FSTL4: variants seen among roughly 807,000 people sequenced by gnomAD.
FSTL4 encodes follistatin like 4, also known as follistatin-related protein 4.
In FSTL4, 28 loss-of-function variants were observed where a neutral mutation model predicts 78.2. The ratio of observed to expected loss-of-function variants is 0.36; its 90% CI spans 0.27 to 0.49. The LOEUF (loss-of-function observed/expected upper bound fraction) is 0.49. Ranked by LOEUF, FSTL4 falls within the 20% of genes least tolerant of loss-of-function variation. The probability of loss-of-function intolerance (pLI) is 0.98; values close to 1 mark genes in which losing one functional copy is unlikely to be tolerated. For missense variants in FSTL4, 922 were observed against 1,084.9 expected (o/e 0.85, Z 2.11); for synonymous variants, 422 against 440.5 (o/e 0.96, Z 0.53).
chr5:133,525,259 C>T (rs916171935), intron 3 of FSTL4, among the ~76,000 whole-genome samples: 18 of 152,206 alleles, frequency 1.2e-4, no homozygotes, highest in African/African-American at 3.6e-4. Context: ...CCAAGCCAAG[C>T]GTGATGCTTG....
the FSTL4 span, among the ~76,000 whole-genome samples, chr5:133,831,397 TA>T: frequency 6.6e-6 from 1 of 152,162 alleles, no homozygotes; most frequent in Admixed American, 6.5e-5. Flanking sequence ...CAACTTTCTA[TA>T]AATCCACCAG....
chr5:133,278,604 C>T (rs1203491988), intron 6 of FSTL4, among the ~76,000 whole-genome samples: 1 of 152,206 alleles, frequency 6.6e-6, no homozygotes, highest in African/African-American at 2.4e-5. Flanking sequence ...TCCCAGAAGG[C>T]CATACCAGGT....
chr5:133,677,098 T>A, the FSTL4 span, among the ~76,000 whole-genome samples: 221 of 152,342 alleles, frequency 1.5e-3, 1 homozygote, highest in African/African-American at 5.1e-3. Context: ...TTGGAAAAGA[T>A]AGTGCTTGTA....
chr5:133,475,786 C>T (rs943321432), intron 3 of FSTL4, among the ~76,000 whole-genome samples: 1 of 152,168 alleles, frequency 6.6e-6, no homozygotes, highest in Non-Finnish European at 1.5e-5. Context: ...GAGTGGTCTG[C>T]ATAATCAGCC....
chr5:133,555,607 G>A (rs1016299388), intron 3 of FSTL4, among the ~76,000 whole-genome samples: 12 of 152,176 alleles, frequency 7.9e-5, no homozygotes, highest in Non-Finnish European at 1.5e-4. Context: ...TTTAAATTCC[G>A]TATAAAGGGG....
intron 3 of FSTL4, among the ~76,000 whole-genome samples, chr5:133,499,348 T>C (rs913565907): frequency 6.6e-5 from 9 of 137,214 alleles, no homozygotes; most frequent in Non-Finnish European, 1.2e-4. Flanking sequence ...AGGATTCCCC[T>C]AGTAAGTAAC....
chr5:133,495,832 G>T (rs1314606265), intron 3 of FSTL4, among the ~76,000 whole-genome samples: 2 of 152,180 alleles, frequency 1.3e-5, no homozygotes. Context: ...ATGTCCATAG[G>T]CCATGAAATC....
At chr5:133,722,562 T>G in the FSTL4 span, among the ~76,000 whole-genome samples, 2 of 152,246 alleles carry the variant, frequency 1.3e-5, no homozygotes, top group African/African-American at 4.8e-5. Flanking sequence ...CTTAAGATCA[T>G]TATGTGGAAT....
At chr5:133,482,894 G>A (rs1758058283) in intron 3 of FSTL4, among the ~76,000 whole-genome samples, 1 of 152,160 alleles carries the variant, frequency 6.6e-6, no homozygotes, top group Non-Finnish European at 1.5e-5. Flanking sequence ...CTGGGCCAAA[G>A]AGCCAGGCCT....
chr5:133,798,343 C>T, the FSTL4 span, among the ~76,000 whole-genome samples: 1 of 152,100 alleles, frequency 6.6e-6, no homozygotes, highest in Non-Finnish European at 1.5e-5. Flanking sequence ...GGAGCAAACT[C>T]AGGGTGAGAG....
chr5:133,741,910 T>C, the FSTL4 span, among the ~76,000 whole-genome samples: 1 of 152,190 alleles, frequency 6.6e-6, no homozygotes, highest in Middle Eastern at 3.2e-3. Context: ...AGAACTCAGA[T>C]TGGTTTCTCA....
intron 3 of FSTL4, among the ~76,000 whole-genome samples, chr5:133,527,656 G>GT (rs1202055391): frequency 3.3e-5 from 5 of 152,374 alleles, no homozygotes; most frequent in Non-Finnish European, 5.9e-5. Flanking sequence ...AGAGTAGCAA[G>GT]AGTCATTCAC....
At chr5:133,349,235 A>G (rs961427735) in intron 4 of FSTL4, among the ~76,000 whole-genome samples, 1 of 150,796 alleles carries the variant, frequency 6.6e-6, no homozygotes, top group African/African-American at 2.4e-5. Context: ...AACACCAAAC[A>G]CTCTTTTAAT....
chr5:133,814,260 A>G, the FSTL4 span, among the ~76,000 whole-genome samples: 1 of 152,182 alleles, frequency 6.6e-6, no homozygotes, highest in African/African-American at 2.4e-5. Flanking sequence ...AAAGGGAGGA[A>G]CTGGGCAGGA....
chr5:133,256,796 G>T (rs1186866006), intron 6 of FSTL4, among the ~76,000 whole-genome samples: 1 of 152,186 alleles, frequency 6.6e-6, no homozygotes, highest in Non-Finnish European at 1.5e-5. Flanking sequence ...TTCCTTACGT[G>T]TAACCAGATT....
the FSTL4 span, among the ~76,000 whole-genome samples, chr5:133,697,773 C>G: frequency 2.6e-5 from 4 of 152,168 alleles, no homozygotes; most frequent in Non-Finnish European, 5.9e-5. Flanking sequence ...CCCAACCTCA[C>G]GTGAGACTAT....
the FSTL4 span, among the ~76,000 whole-genome samples, chr5:133,666,587 A>C: frequency 6.7e-6 from 1 of 150,240 alleles, no homozygotes; most frequent in Non-Finnish European, 1.5e-5. Context: ...TTTAAAAAAA[A>C]AAAAAAAGTC....
chr5:133,804,059 C>A, the FSTL4 span, among the ~76,000 whole-genome samples: 3 of 152,192 alleles, frequency 2.0e-5, no homozygotes, highest in Non-Finnish European at 4.4e-5. Flanking sequence ...ATTTCCAAAT[C>A]CTGAATGTAG....
the FSTL4 span, among the ~76,000 whole-genome samples, chr5:133,629,845 T>C: frequency 9.7e-3 from 1,472 of 152,292 alleles, 27 homozygotes; most frequent in African/African-American, 0.034. Context: ...GTTCAATATA[T>C]GCAAATCAAT....
Sources: allele counts gnomAD v4.1 joint callset (sites outside exome capture counted in the v4.1 genomes callset), GRCh38; gene constraint gnomAD v4.1.1; transcripts MANE v1.5; gene names NCBI Gene and HGNC (gene_info 2026-07-23, HGNC 2026-07-21).